The following HDAC4 variants were observed in gnomAD, a reference collection of about 807,000 sequenced individuals.
HDAC4 encodes the protein histone deacetylase 4.
Under a neutral mutation model 135.1 loss-of-function variants are expected in HDAC4, and 16 were observed. The ratio of observed to expected loss-of-function variants is 0.12; its 90% CI spans 0.08 to 0.18. HDAC4 has a LOEUF of 0.18. Ranked by LOEUF, HDAC4 falls within the 10% of genes least tolerant of loss-of-function variation. HDAC4 has a pLI of 1.00. For missense variants in HDAC4, 1,143 were observed against 1,511.8 expected (o/e 0.76, Z 4.05); for synonymous variants, 685 against 653.4 (o/e 1.05, Z -0.74).
chr2:239,136,416 C>A (rs2040961067), intron 9 of HDAC4, among the ~76,000 whole-genome samples: 1 of 152,152 alleles, frequency 6.6e-6, no homozygotes, highest in South Asian at 2.1e-4. Context: ...TGTACAGCAC[C>A]ACATTTTCTC....
chr2:239,166,281 CAA>C (rs973627192), intron 5 of HDAC4, among the ~76,000 whole-genome samples: 1 of 152,166 alleles, frequency 6.6e-6, no homozygotes, highest in Non-Finnish European at 1.5e-5. Context: ...CAGGGAAACA[CAA>C]AGACATTAAC....
At chr2:239,334,002 A>T (rs548380614) in intron 2 of HDAC4, among the ~76,000 whole-genome samples, 1 of 152,376 alleles carries the variant, frequency 6.6e-6, no homozygotes, top group African/African-American at 2.4e-5. Flanking sequence ...AAGACATAAA[A>T]GTTTTAAAAA....
At chr2:239,159,257 A>T (rs2042625787) in intron 6 of HDAC4, among the ~76,000 whole-genome samples, 1 of 146,260 alleles carries the variant, frequency 6.8e-6, no homozygotes, top group Admixed American at 6.8e-5. Context: ...TCGCACCTAC[A>T]CTACTCACAC....
chr2:239,383,392 C>T (rs1439347409), intron 1 of HDAC4, among the ~76,000 whole-genome samples: 2 of 152,172 alleles, frequency 1.3e-5, no homozygotes, highest in African/African-American at 4.8e-5. Flanking sequence ...GATAAAGCTG[C>T]CTCTCGGGAG....
intron 12 of HDAC4, among the ~76,000 whole-genome samples, chr2:239,122,761 C>A (rs915594386): frequency 2.0e-4 from 31 of 152,232 alleles, no homozygotes; most frequent in African/African-American, 7.5e-4. Context: ...GCCTCTCTTT[C>A]TTTTTTATTC....
At chr2:239,265,648 C>T (rs759053628) in intron 2 of HDAC4, among the ~76,000 whole-genome samples, 1 of 152,204 alleles carries the variant, frequency 6.6e-6, no homozygotes, top group Non-Finnish European at 1.5e-5. Context: ...TGCCAATGCT[C>T]ACCAGGCCAC....
chr2:239,150,089 G>A (rs11680537), intron 7 of HDAC4, among the ~76,000 whole-genome samples: 12,849 of 152,092 alleles, frequency 0.084, 604 homozygotes, highest in East Asian at 0.18. Flanking sequence ...AGCTTCATAC[G>A]TAAAAATGGA....
chr2:239,060,902 C>T (rs915324778), intron 24 of HDAC4, among the ~76,000 whole-genome samples: 6 of 152,242 alleles, frequency 3.9e-5, no homozygotes, highest in Non-Finnish European at 7.3e-5. Context: ...CCCTTACATC[C>T]CAACACCCAG....
At chr2:239,269,984 G>GC (rs200208789) in intron 2 of HDAC4, among the ~76,000 whole-genome samples, 3,624 of 138,070 alleles carry the variant, frequency 0.026, 156 homozygotes, top group African/African-American at 0.099. Flanking sequence ...TTATCTCCCC[G>GC]CCCCCCAAAA....
chr2:239,163,526 G>A (rs886620470), intron 6 of HDAC4, among the ~76,000 whole-genome samples: 3 of 151,840 alleles, frequency 2.0e-5, no homozygotes, highest in African/African-American at 7.3e-5. Context: ...CACTATGGAG[G>A]TGGGTCCCCC....
intron 26 of HDAC4, 52 bp from the exon 27 acceptor site, chr2:239,053,188 G>C: frequency 6.2e-7 from 1 of 1,605,138 alleles, no homozygotes; most frequent in African/African-American, 1.3e-5. Flanking sequence ...GTGCACCACA[G>C]AGAGGAGAGA....
At chr2:239,357,538 A>C (rs2125941287) in intron 1 of HDAC4, among the ~76,000 whole-genome samples, 1 of 152,144 alleles carries the variant, frequency 6.6e-6, no homozygotes, top group South Asian at 2.1e-4. Context: ...TAAAATTGAT[A>C]AACTTCTAGC....
intron 16 of HDAC4, among the ~76,000 whole-genome samples, chr2:239,097,952 G>T (rs2037266702): frequency 6.6e-6 from 1 of 152,220 alleles, no homozygotes; most frequent in Admixed American, 6.5e-5. Flanking sequence ...AAACTAGGGA[G>T]CTCGTTTTCC....
Position 239,276,593 on chromosome 2 carries a change from T to C in HDAC4, c.23-39929A>G, listed in dbSNP as rs146640499. Among the ~76,000 whole-genome samples the C allele has an allele frequency of 6.6e-3, 998 of 152,286 alleles. 5 individuals are homozygous for C. Among genetic ancestry groups the C allele is most frequent in the Non-Finnish European group, 0.011 (778 of 68,012 alleles). ...AGACACCGATACACCGCAGACACCA[T>C]CTGCTCTCCAGACACAGGCCACTTC... On this transcript the variant is annotated intron_variant, in intron 2 of 26. Coordinates refer to ENST00000543185, the MANE Select transcript of HDAC4 (RefSeq NM_001378414.1).
At chr2:239,053,627 GCTCAGTGA>G (rs774306389) in intron 25 of HDAC4, 26 bp from the exon 26 acceptor site, 2 of 1,609,596 alleles carry the variant, frequency 1.2e-6, no homozygotes, top group Non-Finnish European at 1.7e-6. Flanking sequence ...GAGGAAAGTC[GCTCAGTGA>G]CTACAACTTA....
chr2:239,158,771 C>T (rs1388623364), intron 6 of HDAC4, among the ~76,000 whole-genome samples: 5 of 152,106 alleles, frequency 3.3e-5, no homozygotes, highest in Admixed American at 6.5e-5. Flanking sequence ...ACCGTCAGGG[C>T]AGGTCACACC....
In HDAC4 at chr2:239,139,710, G is replaced by A. The variant is rs886043422; in HGVS notation, c.952C>T (p.Pro318Ser). ...GSVSAENGIA[P>S]AVPSIPAETS... is the part of the protein sequence containing the mutation. Reference sequence around the variant, plus strand: ...TCCGCCGGGATGCTGGGGACGGCGGGCGCGATACCGTTCTCCGCGCTGACG... The same window carrying A: ...TCCGCCGGGATGCTGGGGACGGCGGACGCGATACCGTTCTCCGCGCTGACG... The change falls in exon 9 of 27, where the codon CCC (proline) becomes TCC (serine). Residue 318 changes from proline to serine, a missense_variant. Coordinates refer to ENST00000543185, the MANE Select transcript of HDAC4 (RefSeq NM_001378414.1). The surrounding 1 kb of genome is among the most constrained non-coding windows in gnomAD (Gnocchi z 5.3). 22 of 1,613,956 alleles carry A rather than the reference G, an allele frequency of 1.4e-5. No homozygotes were observed. In the East Asian group the frequency reaches 2.0e-4, roughly 15 times the overall value.
At chr2:239,054,000 G>T (rs1183029794) in intron 25 of HDAC4, among the ~76,000 whole-genome samples, 1 of 151,944 alleles carries the variant, frequency 6.6e-6, no homozygotes, top group African/African-American at 2.4e-5. Context: ...CGCTGGGGCT[G>T]AGGGGTCTTC....
In HDAC4 at chr2:239,298,452, A is replaced by G. The variant is rs555480074; in HGVS notation, c.22+54226T>C. The G allele has an allele frequency of 2.6e-6, 3 of 1,142,984 alleles. No homozygotes were observed. The South Asian group carries it at 5.8e-5, about 22-fold the overall frequency. 70.8% of individuals were successfully genotyped at this position (1,142,984 alleles called of 1,614,324 possible). On this transcript the variant is annotated intron_variant, in intron 2 of 26. Transcript: ENST00000543185. ...AGTGCATGCACACCGTGGATACTCT[A>G]GGGTCCCAGCAACCCCAGCTATTAC...
Sources: gnomAD v4.1 joint callset for allele counts (sites outside exome capture counted in the v4.1 genomes callset) on GRCh38, gnomAD v4.1.1 for gene constraint, Gnocchi (gnomAD v3.1) non-coding constraint, MANE v1.5 for transcripts, NCBI Gene and HGNC (gene_info 2026-07-23, HGNC 2026-07-21) for gene names.